RREB1: variants seen among roughly 807,000 people sequenced by gnomAD.
RREB1 encodes the protein ras-responsive element-binding protein 1.
A neutral mutation model predicts 117.8 loss-of-function variants in RREB1; 27 were observed. The observed-to-expected ratio is 0.23, with a 90% CI of 0.17 to 0.32. The LOEUF (loss-of-function observed/expected upper bound fraction) is 0.32. Among genes scored for constraint, RREB1 ranks in the 10% least tolerant of loss-of-function variants. The pLI, the probability that RREB1 is intolerant of heterozygous loss-of-function variation, is 1.00. For synonymous variants in RREB1, 1,298 were observed against 1,026.7 expected (o/e 1.26, Z -5.05); for missense variants, 2,577 against 2,378.2 (o/e 1.08, Z -1.74).
chr6:7,170,892 C>T (rs1017859667), intron 1 of RREB1, among the ~76,000 whole-genome samples: 18 of 152,194 alleles, frequency 1.2e-4, no homozygotes, highest in African/African-American at 4.3e-4. Context: ...GGATGGAAGC[C>T]TCCAGAGAGC....
chr6:7,145,017 C>T (rs1157276673), intron 1 of RREB1, among the ~76,000 whole-genome samples: 2 of 152,164 alleles, frequency 1.3e-5, no homozygotes, highest in African/African-American at 2.4e-5. Context: ...TTGTGAGAGT[C>T]ATGCTTTCTT....
chr6:7,153,413 T>TAC (rs57110705), intron 1 of RREB1, among the ~76,000 whole-genome samples: 43,628 of 145,716 alleles, frequency 0.3, 7,644 homozygotes, highest in Middle Eastern at 0.51. Context: ...AGTAGTGGTA[T>TAC]ACACACACAC....
intron 1 of RREB1, among the ~76,000 whole-genome samples, chr6:7,172,570 C>T (rs1161134421): frequency 6.6e-6 from 1 of 152,164 alleles, no homozygotes; most frequent in African/African-American, 2.4e-5. Flanking sequence ...TTAGGAGTCC[C>T]TTCTCACCCA....
At chr6:7,110,479 G>GGTGTGTGTGTGTGTGTGTGTGTGTGTGT (rs111267508) in intron 1 of RREB1, among the ~76,000 whole-genome samples, 1 of 149,520 alleles carries the variant, frequency 6.7e-6, no homozygotes, top group African/African-American at 2.5e-5. Flanking sequence ...TTTTAGGGGT[G>GGTGTGTGTGTGTGTGTGTGTGTGTGTGT]GTGTGTGTGT....
chr6:7,112,819 G>A (rs965433196), intron 1 of RREB1, among the ~76,000 whole-genome samples: 6 of 152,164 alleles, frequency 3.9e-5, no homozygotes, highest in Non-Finnish European at 5.9e-5. Flanking sequence ...ACTGTGCTCC[G>A]CCCAATTTCT....
At chr6:7,226,767 G>C in intron 9 of RREB1, 111 bp downstream of exon 9, 2 of 863,668 alleles carry the variant, frequency 2.3e-6, no homozygotes, top group Non-Finnish European at 3.7e-6. Flanking sequence ...TGTCGGTTGG[G>C]CTTTGTCTTT....
At chr6:7,127,773 G>T (rs1762000776) in intron 1 of RREB1, among the ~76,000 whole-genome samples, 1 of 152,168 alleles carries the variant, frequency 6.6e-6, no homozygotes, top group Admixed American at 6.5e-5. Flanking sequence ...TGTTCAAAAG[G>T]TGGAGCTGCC....
intron 8 of RREB1, among the ~76,000 whole-genome samples, chr6:7,221,330 G>A (rs1007244962): frequency 5.3e-5 from 8 of 152,030 alleles, no homozygotes; most frequent in South Asian, 2.1e-4. Flanking sequence ...CACTGCGCCC[G>A]GCTAATTTTT....
intron 1 of RREB1, among the ~76,000 whole-genome samples, chr6:7,144,932 A>C (rs1404019293): frequency 6.6e-6 from 1 of 152,222 alleles, no homozygotes; most frequent in African/African-American, 2.4e-5. Flanking sequence ...GAGGTTATGA[A>C]GGCCCTGGGT....
At chr6:7,147,833 C>G (rs1157352773) in intron 1 of RREB1, among the ~76,000 whole-genome samples, 1 of 151,140 alleles carries the variant, frequency 6.6e-6, no homozygotes, top group East Asian at 1.9e-4. Flanking sequence ...AAAACTTCCT[C>G]AGAAACATCA....
At chr6:7,139,746 GATTAA>G (rs1445170417) in intron 1 of RREB1, among the ~76,000 whole-genome samples, 1 of 152,142 alleles carries the variant, frequency 6.6e-6, no homozygotes, top group East Asian at 1.9e-4. Context: ...AAAAAGATTA[GATTAA>G]AAGTATCTTT....
Position 7,230,752 on chromosome 6 carries a change from A to C in RREB1, c.2653A>C (p.Lys885Gln), listed in dbSNP as rs759185312. 7 of 1,609,368 alleles carry C rather than the reference A, an allele frequency of 4.3e-6. No homozygotes were observed. The highest frequency in any genetic ancestry group is 1.3e-5 in the African/African-American group (1 of 74,786). ...GCCTCCACCTCCCCATGTCTCGATC[A>C]AGTTGGAGCCCGCCAGTAGCTTTGC... ...TQPPPPHVSI[K>Q]LEPASSFAVD... is the part of the protein sequence containing the mutation. The change falls in exon 10 of 13, where the codon AAG becomes CAG. Residue 885 changes from lysine to glutamine, a missense_variant. Physicochemically the swap from Lys to Gln is moderately conservative, Grantham distance 53. Coordinates refer to ENST00000379938, the MANE Select transcript of RREB1 (RefSeq NM_001003699.4).
At position 7,230,706 on chromosome 6, in the gene RREB1, T is replaced by G. The variant is rs146177693; in HGVS notation, c.2607T>G (p.Phe869Leu). 1.9e-6 allele frequency: 3 copies of G among 1,595,148 alleles called. No individual in the cohort carries two copies. The African/African-American group carries it at 4.0e-5, about 21-fold the overall frequency. ...CCTTCCTGGAACCCCAGAACGGCTT[T>G]CTTCACAGGGGCCCCACCCAGCCTC... ...LTAFLEPQNG[F>L]LHRGPTQPPP... The change falls in exon 10 of 13, where the codon TTT becomes TTG. Residue 869 changes from phenylalanine (F) to leucine (L), a missense_variant. Physicochemically the swap from Phe to Leu is conservative, Grantham distance 22 (BLOSUM62 0). Transcript: ENST00000379938.
intron 1 of RREB1, among the ~76,000 whole-genome samples, chr6:7,161,039 C>T (rs1763637323): frequency 6.6e-6 from 1 of 152,040 alleles, no homozygotes; most frequent in East Asian, 1.9e-4. Flanking sequence ...CCATGTTGCC[C>T]AGGCTGATCT....
intron 8 of RREB1, chr6:7,212,807 T>TA (rs1491469205): frequency 6.6e-6 from 1 of 152,176 alleles, no homozygotes; most frequent in Non-Finnish European, 1.5e-5. Context: ...GCTGAAGACT[T>TA]ATGTTATAGG....
chr6:7,173,483 ACT>A (rs1466699684), intron 1 of RREB1, among the ~76,000 whole-genome samples: 1 of 150,102 alleles, frequency 6.7e-6, no homozygotes, highest in East Asian at 2.0e-4. Context: ...ACAGAATGAG[ACT>A]CTGTCTCAAA....
chr6:7,248,310 T>A (rs1011415455), intron 12 of RREB1, among the ~76,000 whole-genome samples: 1 of 152,084 alleles, frequency 6.6e-6, no homozygotes, highest in Admixed American at 6.5e-5. Context: ...AGAGGAAAGG[T>A]CTCAGACTGA....
At chr6:7,242,700 A>AAGG (rs765810052) in intron 11 of RREB1, among the ~76,000 whole-genome samples, 28 of 134,770 alleles carry the variant, frequency 2.1e-4, no homozygotes, top group Non-Finnish European at 3.7e-4. Context: ...CTTAAAAAAA[A>AAGG]GGGGGGGGGG....
At chr6:7,137,897 A>G (rs889439077) in intron 1 of RREB1, among the ~76,000 whole-genome samples, 11 of 152,214 alleles carry the variant, frequency 7.2e-5, no homozygotes, top group Admixed American at 2.0e-4. Flanking sequence ...CAGTATCATC[A>G]GTCATCACTT....
Sources: gnomAD v4.1 joint callset for allele counts (sites outside exome capture counted in the v4.1 genomes callset) on GRCh38, gnomAD v4.1.1 for gene constraint, MANE v1.5 for transcripts, NCBI Gene and HGNC (gene_info 2026-07-23, HGNC 2026-07-21) for gene names.